Variants in GLIS3 observed in about 807,000 individuals in gnomAD.
GLIS3 encodes zinc finger protein GLIS3.
In GLIS3, 53 loss-of-function variants were observed where a neutral mutation model predicts 78.6. The ratio of observed to expected loss-of-function variants is 0.67; its 90% confidence interval spans 0.54 to 0.85. The LOEUF is 0.85. Among genes scored for constraint, GLIS3 ranks in the 40% least tolerant of loss-of-function variants. GLIS3 has a pLI of 0.00. For missense variants in GLIS3, 1,703 were observed against 1,231.1 expected (o/e 1.38, Z -5.74); for synonymous variants, 684 against 509.9 (o/e 1.34, Z -4.60).
At chr9:3,991,923 T>C (rs112115793) in intron 4 of GLIS3, among the ~76,000 whole-genome samples, 2,357 of 152,088 alleles carry the variant, frequency 0.015, 20 homozygotes, top group Non-Finnish European at 0.018. Flanking sequence ...ATCTCCTGAC[T>C]TCGTGATCCG....
chr9:4,328,937 A>G (rs62546169), intron 2 of GLIS3, among the ~76,000 whole-genome samples: 210 of 152,284 alleles, frequency 1.4e-3, no homozygotes, highest in Admixed American at 2.9e-3. Context: ...GCAGTTCCCT[A>G]ATAGTTTCTC....
intron 2 of GLIS3, among the ~76,000 whole-genome samples, chr9:4,201,143 G>T (rs796742856): frequency 5.3e-5 from 8 of 152,238 alleles, no homozygotes; most frequent in African/African-American, 1.9e-4. Context: ...ATGCCTTCAT[G>T]ATAAAAAACC....
the GLIS3 span, among the ~76,000 whole-genome samples, chr9:4,367,695 TTTACCTCC>T: frequency 6.7e-6 from 1 of 148,494 alleles, no homozygotes; most frequent in Non-Finnish European, 1.5e-5. Context: ...CATTCTGTCA[TTTACCTCC>T]TTATCCACAC....
At chr9:3,979,306 G>A (rs904233595) in intron 4 of GLIS3, among the ~76,000 whole-genome samples, 1 of 152,152 alleles carries the variant, frequency 6.6e-6, no homozygotes, top group African/African-American at 2.4e-5. Flanking sequence ...CCCAATCCCT[G>A]CAAGTCTCCC....
the GLIS3 span, among the ~76,000 whole-genome samples, chr9:4,404,216 T>A: frequency 1.3e-5 from 2 of 152,154 alleles, no homozygotes; most frequent in Non-Finnish European, 2.9e-5. Flanking sequence ...CAACCCGATA[T>A]ATAAAGCAAA....
At chr9:4,397,989 C>G in the GLIS3 span, among the ~76,000 whole-genome samples, 3 of 152,100 alleles carry the variant, frequency 2.0e-5, no homozygotes, top group South Asian at 2.1e-4. Context: ...CCATTCTGTT[C>G]TGCCCTCAAA....
intron 8 of GLIS3, among the ~76,000 whole-genome samples, chr9:3,860,933 TTAGTAAG>T (rs2130292681): frequency 6.6e-6 from 1 of 152,258 alleles, no homozygotes; most frequent in African/African-American, 2.4e-5. Flanking sequence ...GTGAAGAAAT[TTAGTAAG>T]CAATGTATCT....
chr9:4,260,075 C>A (rs934906118), intron 2 of GLIS3, among the ~76,000 whole-genome samples: 2 of 130,398 alleles, frequency 1.5e-5, no homozygotes, highest in Non-Finnish European at 3.4e-5. Flanking sequence ...ATAGTGACCT[C>A]TGATCTACAC....
At chr9:4,353,979 C>T in the GLIS3 span, among the ~76,000 whole-genome samples, 2 of 147,242 alleles carry the variant, frequency 1.4e-5, no homozygotes, top group East Asian at 4.1e-4. Context: ...AGGAGCACGC[C>T]GCCACACCCG....
chr9:4,157,552 T>C (rs1835130348), intron 2 of GLIS3, among the ~76,000 whole-genome samples: 1 of 152,188 alleles, frequency 6.6e-6, no homozygotes, highest in Non-Finnish European at 1.5e-5. Flanking sequence ...AGAGCATACA[T>C]AGAGGCTTAA....
chr9:3,829,263 C>T (rs1817902972), intron 10 of GLIS3, 47 bp downstream of exon 10: 1 of 1,556,920 alleles, frequency 6.4e-7, no homozygotes, highest in Non-Finnish European at 8.9e-7. Flanking sequence ...CACCTGGTCT[C>T]TCCTGTCAGT....
At chr9:3,877,283 G>T (rs1821381641) in intron 8 of GLIS3, among the ~76,000 whole-genome samples, 1 of 152,170 alleles carries the variant, frequency 6.6e-6, no homozygotes, top group African/African-American at 2.4e-5. Context: ...GAATATATCA[G>T]ACAAGTGGAA....
chr9:3,984,627 A>C (rs1236731108), intron 4 of GLIS3, among the ~76,000 whole-genome samples: 1 of 152,220 alleles, frequency 6.6e-6, no homozygotes, highest in Non-Finnish European at 1.5e-5. Flanking sequence ...GTTAATGTTG[A>C]AATGAGTTAA....
chr9:4,439,370 C>G, the GLIS3 span, among the ~76,000 whole-genome samples: 1 of 152,206 alleles, frequency 6.6e-6, no homozygotes, highest in Non-Finnish European at 1.5e-5. Flanking sequence ...TTTTCCTCAT[C>G]CAATAAACTC....
chr9:4,093,542 C>G (rs1307647592), intron 4 of GLIS3, among the ~76,000 whole-genome samples: 2 of 152,186 alleles, frequency 1.3e-5, no homozygotes, highest in Non-Finnish European at 2.9e-5. Context: ...TCCAAAGTCA[C>G]TTGGTTTTCT....
rs549921467 is a variant in GLIS3, at chr9:3,881,269, G to GCTAA, written c.2129-1678_2129-1675dup. ...GTCATAGAGATACTATGAAAACACAGCTAACTTTTTTTTTTCCTGCTTCAG... is the reference window on the plus strand; with the variant it reads ...GTCATAGAGATACTATGAAAACACAGCTAACTAACTTTTTTTTTTCCTGCTTCAG... On this transcript the variant is annotated intron_variant, in intron 7 of 10. Transcript: ENST00000381971. 1.7e-3 allele frequency among the ~76,000 whole-genome samples: 264 copies of GCTAA among 152,264 alleles called. 2 individuals are homozygous for GCTAA. Among genetic ancestry groups the GCTAA allele is most frequent in the South Asian group, 0.017 (83 of 4,814 alleles).
chr9:4,002,612 T>C (rs780733659), intron 4 of GLIS3, among the ~76,000 whole-genome samples: 11 of 152,190 alleles, frequency 7.2e-5, no homozygotes, highest in Non-Finnish European at 2.9e-5. Context: ...AGGCTATTGA[T>C]TGGTCACCTA....
the GLIS3 span, among the ~76,000 whole-genome samples, chr9:4,406,317 G>C: frequency 0.61 from 93,068 of 152,056 alleles, 29,243 homozygotes; most frequent in African/African-American, 0.74. Flanking sequence ...ATGATACATT[G>C]TTCTTTTTTT....
chr9:4,089,604 T>A (rs1829321046), intron 4 of GLIS3, among the ~76,000 whole-genome samples: 1 of 152,062 alleles, frequency 6.6e-6, no homozygotes, highest in Admixed American at 6.6e-5. Context: ...AGCAGGAGGA[T>A]CTCTTGAGGC....
Sources: allele counts gnomAD v4.1 joint callset (sites outside exome capture counted in the v4.1 genomes callset), GRCh38; gene constraint gnomAD v4.1.1; transcripts MANE v1.5; gene names NCBI Gene and HGNC (gene_info 2026-07-23, HGNC 2026-07-21).